The following SMCO4 variants were observed in gnomAD, a reference collection of about 807,000 sequenced individuals.
SMCO4 encodes the protein single-pass membrane protein with coiled-coil domains 4, also known as single-pass membrane and coiled-coil domain-containing protein 4.
Under a neutral mutation model 3.6 loss-of-function variants are expected in SMCO4, and 4 were observed. The ratio of observed to expected loss-of-function variants is 1.11; its 90% CI spans 0.54 to 2.53. The LOEUF (loss-of-function observed/expected upper bound fraction) is 2.53, where lower values mean the gene tolerates loss of function less well. SMCO4 is among the 30% of genes most tolerant of loss of function. SMCO4 has a pLI of 0.02. For missense variants in SMCO4, 70 were observed against 80.8 expected (o/e 0.87, Z 0.51); for synonymous variants, 36 against 35.3 (o/e 1.02, Z -0.07).
intron 1 of SMCO4, chr11:93,535,952 T>G: frequency 1.3e-5 from 19 of 1,455,586 alleles, no homozygotes; most frequent in Non-Finnish European, 1.8e-5. Flanking sequence ...TTGGAAAGAA[T>G]AGTTGCAGTG....
At chr11:93,522,532 C>A (rs1360422022) in intron 1 of SMCO4, among the ~76,000 whole-genome samples, 2 of 152,228 alleles carry the variant, frequency 1.3e-5, no homozygotes, top group African/African-American at 2.4e-5. Flanking sequence ...TCCTTCAAAT[C>A]TTTTATGCAG....
intron 1 of SMCO4, among the ~76,000 whole-genome samples, chr11:93,518,641 G>C (rs1289985008): frequency 6.6e-6 from 1 of 152,210 alleles, no homozygotes; most frequent in Non-Finnish European, 1.5e-5. Flanking sequence ...CATCTCATTT[G>C]AATAAGTTCA....
Position 93,514,400 on chromosome 11 carries a change from A to ATG in SMCO4, c.-153-15053_-153-15052insCA, listed in dbSNP as rs1565383011. Among the ~76,000 whole-genome samples, 28 of 95,876 alleles carry ATG rather than the reference A, an allele frequency of 2.9e-4. 1 individual carries two copies. Among genetic ancestry groups the ATG allele is most frequent in the African/African-American group, 1.1e-3 (26 of 23,930 alleles). 62.9% of individuals were successfully genotyped at this position (95,876 alleles called of 152,430 possible). A position where few individuals can be genotyped will look rare whatever the true frequency, so the allele number is the denominator to read the frequency against. ...TATATATATATATATATATATATAT[A>ATG]TATATATATATATATATATATAAAA... On this transcript the variant is annotated intron_variant, in intron 1 of 2. Coordinates refer to ENST00000298966, the MANE Select transcript of SMCO4 (RefSeq NM_020179.3).
At chr11:93,524,814 G>A (rs1247080942) in intron 1 of SMCO4, among the ~76,000 whole-genome samples, 1 of 152,136 alleles carries the variant, frequency 6.6e-6, no homozygotes, top group Admixed American at 6.5e-5. Context: ...CACAGATCTC[G>A]CCTGCTCACT....
At chr11:93,515,182 A>G (rs1404040159) in intron 1 of SMCO4, among the ~76,000 whole-genome samples, 1 of 152,196 alleles carries the variant, frequency 6.6e-6, no homozygotes, top group African/African-American at 2.4e-5. Context: ...ATTTCCTACA[A>G]ATACACAGGT....
At chr11:93,552,126 TA>T in the SMCO4 span, among the ~76,000 whole-genome samples, 2 of 147,330 alleles carry the variant, frequency 1.4e-5, no homozygotes, top group Non-Finnish European at 3.0e-5. Context: ...TTTTATAATT[TA>T]AAAAAAAGTC....
intron 2 of SMCO4, among the ~76,000 whole-genome samples, chr11:93,484,028 C>T (rs967306431): frequency 3.9e-5 from 6 of 152,194 alleles, no homozygotes; most frequent in African/African-American, 7.2e-5. Context: ...CAGTGCCCCA[C>T]GGCCTCTAGC....
At chr11:93,541,531 C>A (rs1479189602) in intron 1 of SMCO4, among the ~76,000 whole-genome samples, 1 of 151,996 alleles carries the variant, frequency 6.6e-6, no homozygotes, top group African/African-American at 2.4e-5. Context: ...TCAGACAAAC[C>A]CCAGCAGGAC....
chr11:93,510,480 CTT>C (rs1948947075), intron 1 of SMCO4, among the ~76,000 whole-genome samples: 1 of 152,196 alleles, frequency 6.6e-6, no homozygotes, highest in Admixed American at 6.5e-5. Flanking sequence ...AAAACAGTCA[CTT>C]TTCCTGAACA....
Position 93,478,956 on chromosome 11 carries a change from C to T in SMCO4, c.*54G>A. 6.5e-6 allele frequency: 10 copies of T among 1,546,952 alleles called. No individual in the cohort carries two copies. The highest frequency in any genetic ancestry group is 5.7e-5 in the Admixed American group (3 of 52,812). ...TATGAAAGCCATTTTTTGTTTGCGT[C>T]CCCCTCCCGCGCCTCCTCTCCCTGC... On this transcript the variant is annotated 3_prime_UTR_variant, in exon 3 of 3. Coordinates refer to ENST00000298966, the MANE Select transcript of SMCO4 (RefSeq NM_020179.3).
chr11:93,515,188 C>G (rs1392428849), intron 1 of SMCO4, among the ~76,000 whole-genome samples: 1 of 152,174 alleles, frequency 6.6e-6, no homozygotes, highest in African/African-American at 2.4e-5. Context: ...TACAAATACA[C>G]AGGTCAGGTC....
At chr11:93,545,253 C>T (rs938757369), upstream of SMCO4, among the ~76,000 whole-genome samples, 1 of 152,170 alleles carries the variant, frequency 6.6e-6, no homozygotes, top group African/African-American at 2.4e-5. Context: ...ACTCCACATG[C>T]TCCCTTATAG....
At chr11:93,547,872 A>G (rs745542583), upstream of SMCO4, among the ~76,000 whole-genome samples, 15 of 152,296 alleles carry the variant, frequency 9.8e-5, no homozygotes, top group Admixed American at 4.6e-4. Flanking sequence ...AAGAAACACA[A>G]CCTTGTGCAT....
At chr11:93,535,559 A>G in intron 1 of SMCO4, 1 of 1,475,894 alleles carries the variant, frequency 6.8e-7, no homozygotes, top group South Asian at 1.1e-5. Context: ...ATCACCTTGA[A>G]GAAGTATGAC....
intron 2 of SMCO4, among the ~76,000 whole-genome samples, chr11:93,494,102 C>T (rs1338850500): frequency 1.3e-5 from 2 of 152,182 alleles, no homozygotes; most frequent in Non-Finnish European, 2.9e-5. Context: ...CCTTTCGAAA[C>T]CACTGTCCAT....
chr11:93,503,106 G>A (rs1303260966), intron 1 of SMCO4, among the ~76,000 whole-genome samples: 1 of 152,274 alleles, frequency 6.6e-6, no homozygotes, highest in East Asian at 1.9e-4. Flanking sequence ...CTGAATAATG[G>A]CCCCAGAGAG....
intron 1 of SMCO4, among the ~76,000 whole-genome samples, chr11:93,499,853 C>T (rs939035402): frequency 3.9e-5 from 6 of 152,276 alleles, no homozygotes; most frequent in African/African-American, 9.6e-5. Context: ...TCCGAACTAC[C>T]GTCCCATAAC....
intron 1 of SMCO4, among the ~76,000 whole-genome samples, chr11:93,511,283 T>A: frequency 6.6e-6 from 1 of 152,138 alleles, no homozygotes; most frequent in East Asian, 1.9e-4. Flanking sequence ...CCACAGCTAA[T>A]CAAACACCCA....
At chr11:93,518,006 C>T (rs1949023521) in intron 1 of SMCO4, among the ~76,000 whole-genome samples, 1 of 152,232 alleles carries the variant, frequency 6.6e-6, no homozygotes, top group African/African-American at 2.4e-5. Context: ...GGCATTTAGA[C>T]ATTCACAATG....
Sources: gnomAD v4.1 joint callset for allele counts (sites outside exome capture counted in the v4.1 genomes callset) on GRCh38, gnomAD v4.1.1 for gene constraint, MANE v1.5 for transcripts, NCBI Gene and HGNC (gene_info 2026-07-23, HGNC 2026-07-21) for gene names.